AFF1: variants seen among roughly 807,000 people sequenced by gnomAD.
AFF1 encodes ALF transcription elongation factor 1, also known as AF4/FMR2 family member 1.
In AFF1, 48 loss-of-function variants were observed where a neutral mutation model predicts 121.7. The ratio of observed to expected loss-of-function variants is 0.39; its 90% CI spans 0.31 to 0.50. AFF1 has a LOEUF of 0.50. AFF1 is among the 20% of genes least tolerant of loss of function. The probability of loss-of-function intolerance (pLI) is 0.76; values close to 1 mark genes in which losing one functional copy is unlikely to be tolerated. For synonymous variants in AFF1, 613 were observed against 563.0 expected, an observed-to-expected ratio of 1.09 and a Z score of -1.26; for missense variants, 1,523 against 1,511.7, an observed-to-expected ratio of 1.01 and a Z score of -0.12.
At chr4:87,072,158 T>C (rs1369084458) in intron 4 of AFF1, among the ~76,000 whole-genome samples, 1 of 152,082 alleles carries the variant, frequency 6.6e-6, no homozygotes, top group Non-Finnish European at 1.5e-5. Context: ...AGTCAGGAGA[T>C]CTAGACCATC....
chr4:87,121,336 C>T (rs933380563), intron 12 of AFF1, among the ~76,000 whole-genome samples: 6 of 152,206 alleles, frequency 3.9e-5, no homozygotes, highest in African/African-American at 1.4e-4. Flanking sequence ...TACGGCAGGT[C>T]TTGTTCTTGG....
intron 4 of AFF1, among the ~76,000 whole-genome samples, chr4:87,079,647 A>G (rs1238003619): frequency 6.6e-6 from 1 of 152,246 alleles, no homozygotes; most frequent in Non-Finnish European, 1.5e-5. Flanking sequence ...GAGCCAGCTC[A>G]GCTGCTTCAG....
rs572309666 is a variant in AFF1 at position 87,119,003 on chromosome 4, AG to A, written c.2466+3710del. ...GTCCACGACTAGTCTGATTGGTTGT[AG>A]GGGGGACCAATCAGAGTTACTTTCA... is the stretch of plus-strand genomic sequence containing the variant. On this transcript the variant is annotated intron_variant, in intron 12 of 20. Coordinates refer to ENST00000395146, the MANE Select transcript of AFF1 (RefSeq NM_001166693.3). Among the ~76,000 whole-genome samples, 258 of 148,962 alleles carry A rather than the reference AG, an allele frequency of 1.7e-3. 1 individual carries two copies. The highest frequency in any genetic ancestry group is 5.8e-3 in the African/African-American group (233 of 39,950).
At chr4:86,972,604 C>G (rs1013532210) in intron 2 of AFF1, among the ~76,000 whole-genome samples, 2 of 152,128 alleles carry the variant, frequency 1.3e-5, no homozygotes, top group African/African-American at 4.8e-5. Flanking sequence ...ATGGTGTGAT[C>G]TCAGGTCACT....
At chr4:86,986,263 G>A (rs1724268801) in intron 2 of AFF1, among the ~76,000 whole-genome samples, 1 of 151,908 alleles carries the variant, frequency 6.6e-6, no homozygotes. Context: ...GTGGAGACAG[G>A]GTTTCACCAT....
intron 2 of AFF1, among the ~76,000 whole-genome samples, chr4:86,998,293 A>G (rs1725402515): frequency 6.6e-6 from 1 of 152,116 alleles, no homozygotes; most frequent in Non-Finnish European, 1.5e-5. Flanking sequence ...GGAGACATGC[A>G]AACAAGCTAG....
At chr4:87,068,313 G>A (rs3775226) in intron 4 of AFF1, among the ~76,000 whole-genome samples, 25,708 of 140,616 alleles carry the variant, frequency 0.18, 2,779 homozygotes, top group East Asian at 0.4. Context: ...CTAATGATAT[G>A]CATTTACACA....
intron 6 of AFF1, among the ~76,000 whole-genome samples, chr4:87,091,591 T>C (rs1175869163): frequency 1.3e-5 from 2 of 152,174 alleles, no homozygotes; most frequent in African/African-American, 4.8e-5. Flanking sequence ...AAAGTTTGAA[T>C]AGATGGATAG....
intron 2 of AFF1, among the ~76,000 whole-genome samples, chr4:86,997,959 G>A (rs1725349527): frequency 6.6e-6 from 1 of 152,026 alleles, no homozygotes. Context: ...TTTGCCAGGT[G>A]TGGTGGCACA....
chr4:87,046,078 A>T, intron 2 of AFF1, 88 bp from the exon 3 acceptor site: 1 of 1,508,352 alleles, frequency 6.6e-7, no homozygotes, highest in Non-Finnish European at 9.1e-7. Context: ...ACCTGTCCTC[A>T]CCTCCCTTCT....
chr4:86,957,196 G>T (rs1341457773), intron 2 of AFF1, among the ~76,000 whole-genome samples: 1 of 152,166 alleles, frequency 6.6e-6, no homozygotes, highest in Admixed American at 6.5e-5. Context: ...AATTGCTGGG[G>T]ATAACATTGT....
rs566335077 is a variant in AFF1, at chr4:87,038,831, T to C, written c.39-7335T>C. ...GTCTCCATCCTTATGAAGATAAATA[T>C]ATAGGAGAAATCACACTCTGTCATC... On this transcript the variant is annotated intron_variant, in intron 2 of 20. Coordinates refer to ENST00000395146, the MANE Select transcript of AFF1 (RefSeq NM_001166693.3). 2.1e-4 allele frequency among the ~76,000 whole-genome samples: 32 copies of C among 152,330 alleles called. No individual in the cohort carries two copies. The East Asian group carries it at 6.0e-3, about 28-fold the overall frequency.
Position 87,046,788 on chromosome 4 carries a change from C to T in AFF1, c.253C>T (p.His85Tyr), listed in dbSNP as rs1156890768. ...KEFLSTKSHT[H>Y]RLDASENRLG... Reference sequence around the variant, plus strand: ...GTTCCTTAGTACTAAGTCTCACACTCATCGCCTGGATGCTTCTGAAAATAG... The same window carrying T: ...GTTCCTTAGTACTAAGTCTCACACTTATCGCCTGGATGCTTCTGAAAATAG... Residue 85 changes from histidine to tyrosine, a missense_variant, in exon 4 of 21, where the codon CAT becomes TAT. Physicochemically the swap from His to Tyr is moderately conservative, Grantham distance 83. Around this residue, in one of 5 missense-constraint regions of AFF1, gnomAD observed 369 missense variants for 367.2 expected, o/e 1.00. Coordinates refer to ENST00000395146, the MANE Select transcript of AFF1 (RefSeq NM_001166693.3). 9 of 1,614,078 alleles carry T rather than the reference C, an allele frequency of 5.6e-6. No homozygotes were observed. The highest frequency in any genetic ancestry group is 7.6e-6 in the Non-Finnish European group (9 of 1,180,044).
At chr4:87,095,030 C>A in intron 8 of AFF1, 61 bp downstream of exon 8, 1 of 1,456,384 alleles carries the variant, frequency 6.9e-7, no homozygotes, top group Non-Finnish European at 9.6e-7. Context: ...TGTCTCATGT[C>A]AATGCATTGC....
intron 4 of AFF1, among the ~76,000 whole-genome samples, chr4:87,072,586 A>G (rs978352668): frequency 6.6e-6 from 1 of 151,848 alleles, no homozygotes. Flanking sequence ...CAGTGGCACG[A>G]TCTCAGCTCA....
intron 2 of AFF1, among the ~76,000 whole-genome samples, chr4:87,045,182 C>G (rs887082373): frequency 4.6e-5 from 7 of 152,212 alleles, no homozygotes; most frequent in African/African-American, 1.7e-4. Context: ...TCCGAAGGTA[C>G]TGACCGACAG....
At chr4:86,946,077 C>G (rs1720836577) in intron 1 of AFF1, among the ~76,000 whole-genome samples, 1 of 152,066 alleles carries the variant, frequency 6.6e-6, no homozygotes, top group Non-Finnish European at 1.5e-5. Flanking sequence ...TGTAGTGCTC[C>G]TGAGCGGTGA....
intron 2 of AFF1, among the ~76,000 whole-genome samples, chr4:86,990,710 C>T (rs1724633307): frequency 6.6e-6 from 1 of 152,186 alleles, no homozygotes; most frequent in Non-Finnish European, 1.5e-5. Context: ...CAATGTGAGG[C>T]TGCCCCAAAT....
chr4:86,946,650 C>T (rs1015442466), intron 1 of AFF1, among the ~76,000 whole-genome samples: 1 of 152,058 alleles, frequency 6.6e-6, no homozygotes, highest in African/African-American at 2.4e-5. Context: ...CCCTGGCCTC[C>T]CAAAGTGCTG....
Sources: gnomAD v4.1 joint callset for allele counts (sites outside exome capture counted in the v4.1 genomes callset) on GRCh38, gnomAD v4.1.1 for gene constraint, gnomAD v4.1.1 regional missense constraint, MANE v1.5 for transcripts, NCBI Gene and HGNC (gene_info 2026-07-23, HGNC 2026-07-21) for gene names.